The following MGST1 variants were observed in gnomAD, a reference collection of about 807,000 sequenced individuals.
MGST1 encodes glutathione S-transferase 12.
In MGST1, 5 loss-of-function variants were observed where a neutral mutation model predicts 8.9. That is an observed-to-expected ratio of 0.56 (90% CI 0.29 to 1.19). The LOEUF (loss-of-function observed/expected upper bound fraction) is 1.19, where lower values mean the gene tolerates loss of function less well. Ranked by LOEUF, MGST1 falls within the 50% of genes most tolerant of loss-of-function variation. The pLI is 0.08. For missense variants in MGST1, 182 were observed against 187.4 expected (o/e 0.97, Z 0.17); for synonymous variants, 54 against 67.8 (o/e 0.80, Z 1.00).
intron 1 of MGST1, among the ~76,000 whole-genome samples, chr12:16,405,106 A>G (rs1940688606): frequency 1.3e-5 from 2 of 152,228 alleles, no homozygotes; most frequent in Non-Finnish European, 2.9e-5. Context: ...ACAACCTAAC[A>G]TCATAACTGA....
intron 1 of MGST1, among the ~76,000 whole-genome samples, chr12:16,427,548 A>T (rs1292640391): frequency 1.3e-5 from 2 of 151,892 alleles, no homozygotes; most frequent in Admixed American, 1.3e-4. Context: ...TGCCCAGCTA[A>T]TTTTTGTACT....
intron 1 of MGST1, among the ~76,000 whole-genome samples, chr12:16,426,559 T>C (rs1441626669): frequency 6.6e-6 from 1 of 152,220 alleles, no homozygotes; most frequent in African/African-American, 2.4e-5. Flanking sequence ...TAAGTTCATG[T>C]GTGACTTCTT....
chr12:16,508,450 C>G (rs1414278005), intron 4 of MGST1, among the ~76,000 whole-genome samples: 2 of 152,146 alleles, frequency 1.3e-5, no homozygotes, highest in Non-Finnish European at 2.9e-5. Context: ...CGGGGGAAGT[C>G]TTATTTTTTA....
At chr12:16,526,176 T>C (rs12824479) in intron 4 of MGST1, among the ~76,000 whole-genome samples, 43,889 of 150,310 alleles carry the variant, frequency 0.29, 8,252 homozygotes, top group Non-Finnish European at 0.42. Flanking sequence ...ATTTTGTCTT[T>C]TGTTGCCATT....
downstream of MGST1, among the ~76,000 whole-genome samples, chr12:16,441,976 G>A (rs562106800): frequency 1.3e-5 from 2 of 151,914 alleles, no homozygotes; most frequent in South Asian, 4.1e-4. Context: ...GCAGCATTTG[G>A]TGCTGTCAGT....
chr12:16,588,194 ATTG>A (rs914992176), intron 4 of MGST1, among the ~76,000 whole-genome samples: 3 of 151,982 alleles, frequency 2.0e-5, no homozygotes, highest in Non-Finnish European at 2.9e-5. Context: ...TCCTTTAAAC[ATTG>A]TTTTCATAAT....
At chr12:16,460,311 G>A (rs1471866798) in intron 4 of MGST1, among the ~76,000 whole-genome samples, 1 of 152,102 alleles carries the variant, frequency 6.6e-6, no homozygotes, top group African/African-American at 2.4e-5. Flanking sequence ...TACATTTTCT[G>A]CTGGAGGAAT....
chr12:16,449,453 A>C (rs1941111616), intron 4 of MGST1, among the ~76,000 whole-genome samples: 1 of 151,892 alleles, frequency 6.6e-6, no homozygotes, highest in Non-Finnish European at 1.5e-5. Context: ...AACATTTAAG[A>C]CAGGACCCCC....
intron 1 of MGST1, among the ~76,000 whole-genome samples, chr12:16,387,474 A>C (rs1450956343): frequency 1.3e-5 from 2 of 151,946 alleles, no homozygotes; most frequent in Non-Finnish European, 2.9e-5. Flanking sequence ...ACTCACCCAC[A>C]GTGACTTCCA....
At chr12:16,501,440 A>G (rs1186348913) in intron 4 of MGST1, among the ~76,000 whole-genome samples, 1 of 152,218 alleles carries the variant, frequency 6.6e-6, no homozygotes, top group Non-Finnish European at 1.5e-5. Flanking sequence ...GTAGAAAAAT[A>G]ATGCAACATG....
chr12:16,399,414 T>C (rs1940633685), intron 1 of MGST1: 1 of 1,515,750 alleles, frequency 6.6e-7, no homozygotes, highest in Non-Finnish European at 9.2e-7. Context: ...TTCTTCCTTA[T>C]AACAACTTTC....
chr12:16,394,366 T>C (rs1282893163), intron 1 of MGST1, among the ~76,000 whole-genome samples: 2 of 151,924 alleles, frequency 1.3e-5, no homozygotes, highest in East Asian at 3.9e-4. Flanking sequence ...ATCATTTTCT[T>C]TCTTTCTTTC....
At chr12:16,375,569 T>C (rs7303684) in intron 3 of MGST1, among the ~76,000 whole-genome samples, 91,634 of 151,622 alleles carry the variant, frequency 0.6, 28,445 homozygotes, top group East Asian at 0.96. Context: ...AGTGTTGATA[T>C]TATTCTGAGA....
At chr12:16,491,583 C>T (rs1941438393) in intron 4 of MGST1, among the ~76,000 whole-genome samples, 1 of 149,940 alleles carries the variant, frequency 6.7e-6, no homozygotes, top group Non-Finnish European at 1.5e-5. Context: ...TCTCTTTTGC[C>T]TGTTAGCTTG....
chr12:16,371,895 C>A (rs1004195540), intron 3 of MGST1, among the ~76,000 whole-genome samples: 4 of 152,004 alleles, frequency 2.6e-5, no homozygotes, highest in African/African-American at 9.7e-5. Flanking sequence ...ATTTAGTCAA[C>A]TCATTTTTAA....
intron 4 of MGST1, among the ~76,000 whole-genome samples, chr12:16,491,010 C>T (rs978308188): frequency 7.9e-5 from 12 of 152,156 alleles, no homozygotes; most frequent in Non-Finnish European, 1.5e-4. Context: ...GAATCTTACT[C>T]TTTACTCATT....
At chr12:16,422,665 A>G (rs1017490745) in intron 1 of MGST1, among the ~76,000 whole-genome samples, 3 of 152,158 alleles carry the variant, frequency 2.0e-5, no homozygotes, top group Non-Finnish European at 4.4e-5. Flanking sequence ...TGATATTCTA[A>G]TTAAGTTACT....
At chr12:16,569,143 G>A (rs756410261) in intron 4 of MGST1, among the ~76,000 whole-genome samples, 20 of 152,134 alleles carry the variant, frequency 1.3e-4, no homozygotes, top group Non-Finnish European at 2.8e-4. Context: ...ATGGGTTGAC[G>A]CTTGGGCTAA....
intron 1 of MGST1, among the ~76,000 whole-genome samples, chr12:16,414,752 G>GT (rs1462670992): frequency 1.3e-5 from 2 of 152,172 alleles, no homozygotes; most frequent in African/African-American, 2.4e-5. Flanking sequence ...GCTGGGCACA[G>GT]TGGCTCATGC....
Sources: gnomAD v4.1 joint callset for allele counts (sites outside exome capture counted in the v4.1 genomes callset) on GRCh38, gnomAD v4.1.1 for gene constraint, MANE v1.5 for transcripts, NCBI Gene and HGNC (gene_info 2026-07-23, HGNC 2026-07-21) for gene names.